Variants in STAB2 observed in about 807,000 individuals in gnomAD.
STAB2 encodes stabilin 2, also known as stabilin-2.
Under a neutral mutation model 338.1 loss-of-function variants are expected in STAB2, and 288 were observed. The ratio of observed to expected loss-of-function variants is 0.85; its 90% CI spans 0.77 to 0.94. STAB2 has a LOEUF of 0.94. Among genes scored for constraint, STAB2 ranks in the 40% least tolerant of loss-of-function variants. The pLI is 0.00. For missense variants in STAB2, 3,141 were observed against 3,210.1 expected (o/e 0.98, Z 0.52); for synonymous variants, 1,202 against 1,193.3 (o/e 1.01, Z -0.15).
chr12:103,715,880 C>A lies in STAB2; in HGVS notation c.4603C>A (p.Pro1535Thr). 6.2e-7 allele frequency: 1 copy of A among 1,613,990 alleles called. No individual in the cohort carries two copies. Reference sequence around the variant, plus strand: ...GAATGCGGAGTGCACACAGACAGGACCCAACCAGGTGAGTGCCACCTCTCC... The same window carrying A: ...GAATGCGGAGTGCACACAGACAGGAACCAACCAGGTGAGTGCCACCTCTCC... ...DKNAECTQTGPNQAACNCLPA... is the reference protein window; with the variant it reads ...DKNAECTQTGTNQAACNCLPA... The change falls in exon 43 of 69, where the codon CCC (proline) becomes ACC (threonine). Residue 1535 changes from proline to threonine, a missense_variant. Pro to Thr is a conservative substitution (Grantham distance 38). Transcript: ENST00000388887.
intron 66 of STAB2, 59 bp downstream of exon 66, chr12:103,761,469 C>T: frequency 6.9e-7 from 1 of 1,451,776 alleles, no homozygotes; most frequent in Non-Finnish European, 9.6e-7. Context: ...CACTCACCAA[C>T]AGGCAAACCA....
At chr12:103,701,383 T>C (rs1878857821) in intron 34 of STAB2, among the ~76,000 whole-genome samples, 1 of 152,170 alleles carries the variant, frequency 6.6e-6, no homozygotes, top group Admixed American at 6.5e-5. Flanking sequence ...ATGGGATGGC[T>C]GGGTCAAATG....
chr12:103,694,310 T>C (rs1426285503), intron 31 of STAB2, among the ~76,000 whole-genome samples: 1 of 152,168 alleles, frequency 6.6e-6, no homozygotes, highest in Non-Finnish European at 1.5e-5. Context: ...ACCATCAAGT[T>C]CTATCAGGCC....
rs147251722 is a variant in STAB2 at position 103,721,780 on chromosome 12, A to G, written c.4684-3195A>G. 3.9e-5 allele frequency among the ~76,000 whole-genome samples: 6 copies of G among 152,336 alleles called. No homozygotes were observed. In the East Asian group the frequency reaches 1.2e-3, roughly 29 times the overall value. ...TGAGGCAGGAAGTTCACTTGAGCTC[A>G]GGAGTTTGAGACCAGCTTGGAGAGA... On this transcript the variant is annotated intron_variant, in intron 44 of 68. Coordinates refer to ENST00000388887, the MANE Select transcript of STAB2 (RefSeq NM_017564.10).
Position 103,699,096 on chromosome 12 carries a change from G to T in STAB2, c.3583G>T (p.Glu1195Ter). The part of the protein sequence containing the change: ...YIREKKVLSL[E>*]EDVLRYHVVL... ...ACTTCCAATTCTGTGTGTGATCCAG[G>T]AGGAGGACGTCCTCCGGTATCATGT... The change falls in exon 34 of 69, where the codon GAG becomes TAG. Residue 1195 changes from glutamate to a stop codon, truncating the protein, a stop_gained and splice_region_variant. Transcript: ENST00000388887. LOFTEE classifies it high-confidence loss of function. The T allele has an allele frequency of 6.2e-7, 1 of 1,607,782 alleles. No individual in the cohort carries two copies. The highest frequency in any genetic ancestry group is 8.5e-7 in the Non-Finnish European group (1 of 1,175,594).
chr12:103,754,878 G>A (rs1347687657), intron 61 of STAB2, among the ~76,000 whole-genome samples: 1 of 151,808 alleles, frequency 6.6e-6, no homozygotes, highest in Non-Finnish European at 1.5e-5. Flanking sequence ...CTTGGGAAAT[G>A]GAGGTTGCAA....
intron 59 of STAB2, 28 bp downstream of exon 59, chr12:103,749,184 G>T (rs1340243999): frequency 1.9e-6 from 3 of 1,575,830 alleles, no homozygotes; most frequent in Non-Finnish European, 2.6e-6. Flanking sequence ...AGGGAAATTT[G>T]GGAGCAGCGC....
At chr12:103,721,617 C>A (rs1880770433) in intron 44 of STAB2, among the ~76,000 whole-genome samples, 1 of 152,112 alleles carries the variant, frequency 6.6e-6, no homozygotes, top group African/African-American at 2.4e-5. Context: ...AGCAAGAAGA[C>A]CATGTAAAAG....
chr12:103,670,761 T>G lies in STAB2; in HGVS notation c.2325T>G (p.Cys775Trp). Residue 775 changes from cysteine to tryptophan, a missense_variant, in exon 22 of 69, where the codon TGT becomes TGG. Physicochemically the swap from Cys to Trp is radical, Grantham distance 215 (BLOSUM62 -2). Transcript: ENST00000388887. ...AGGAGGGCTTCCAAGGCTCCCAGTG[T>G]CAGTTCTGCTCTGATCCCAATAAAT... The part of the protein sequence containing the change: ...ICEEGFQGSQ[C>W]QFCSDPNKYG... 6.2e-7 allele frequency: 1 copy of G among 1,614,156 alleles called. No homozygotes were observed. The highest frequency in any genetic ancestry group is 2.2e-5 in the East Asian group (1 of 44,876).
rs3817304 is a variant in STAB2, at chr12:103,759,058, G to A, written c.7108-75G>A. 15,838 of 1,610,514 alleles carry A rather than the reference G, an allele frequency of 9.8e-3. 728 individuals carry two copies. Among genetic ancestry groups the A allele is most frequent in the East Asian group, 0.091 (4,078 of 44,762 alleles). On this transcript the variant is annotated intron_variant, in intron 64 of 68. Coordinates refer to ENST00000388887, the MANE Select transcript of STAB2 (RefSeq NM_017564.10). The stretch of plus-strand genomic sequence containing the variant: ...TAGGCCATGAGAAGCAATTTTCTTC[G>A]TCATCCCCATCATTAAAAAGACAAA...
At chr12:103,737,517 G>A (rs1330940613) in intron 52 of STAB2, 117 bp from the exon 53 acceptor site, 1 of 1,140,036 alleles carries the variant, frequency 8.8e-7, no homozygotes. Context: ...GAGTCTTGCA[G>A]TTACTGGCCA....
intron 3 of STAB2, among the ~76,000 whole-genome samples, chr12:103,616,896 T>A (rs997761709): frequency 6.6e-6 from 1 of 152,232 alleles, no homozygotes; most frequent in African/African-American, 2.4e-5. Flanking sequence ...TGAACTCAAA[T>A]GGCTGAGTTG....
At chr12:103,595,408 G>A (rs920381427) in intron 3 of STAB2, among the ~76,000 whole-genome samples, 11 of 151,870 alleles carry the variant, frequency 7.2e-5, no homozygotes, top group African/African-American at 2.4e-4. Flanking sequence ...GTTTACAAAG[G>A]TATAAAGAAA....
intron 58 of STAB2, among the ~76,000 whole-genome samples, chr12:103,747,401 T>C (rs1444829671): frequency 6.6e-6 from 1 of 152,162 alleles, no homozygotes; most frequent in Non-Finnish European, 1.5e-5. Flanking sequence ...TGAAAGCTCA[T>C]TTTGGGGGCT....
Position 103,735,491 on chromosome 12 carries a change from G to GT in STAB2, c.5465dup (p.Leu1822PhefsTer31), listed in dbSNP as rs1266692866. The GT allele has an allele frequency of 6.3e-7, 1 of 1,591,268 alleles. No individual in the cohort carries two copies. The highest frequency in any genetic ancestry group is 8.6e-7 in the Non-Finnish European group (1 of 1,167,144). Reference sequence around the variant, plus strand: ...TCACGTGGTGCCATCACTCCTACAGGTTTTAGCTGTGGATCTTCCCACATC... The same window carrying GT: ...TCACGTGGTGCCATCACTCCTACAGGTTTTTAGCTGTGGATCTTCCCACATC... On this transcript the variant is annotated frameshift_variant and splice_region_variant, in exon 52 of 69. Transcript: ENST00000388887. LOFTEE classifies it high-confidence loss of function.
At chr12:103,611,754 G>A (rs553550791) in intron 3 of STAB2, among the ~76,000 whole-genome samples, 1 of 152,126 alleles carries the variant, frequency 6.6e-6, no homozygotes, top group Admixed American at 6.5e-5. Context: ...TATTTTGCTC[G>A]TTAGTTGATG....
At chr12:103,643,485 A>G (rs1230627420) in intron 9 of STAB2, among the ~76,000 whole-genome samples, 4 of 151,946 alleles carry the variant, frequency 2.6e-5, no homozygotes, top group Admixed American at 2.6e-4. Context: ...CTCCACCTCT[A>G]GGATGCCTCC....
chr12:103,650,311 T>C (rs1227793646), intron 10 of STAB2, among the ~76,000 whole-genome samples, 185 bp from the exon 11 acceptor site: 1 of 152,184 alleles, frequency 6.6e-6, no homozygotes, highest in Non-Finnish European at 1.5e-5. Flanking sequence ...ATTGAGGCCA[T>C]GGCTTTAGGG....
At chr12:103,589,917 T>G (rs937065340) in intron 1 of STAB2, among the ~76,000 whole-genome samples, 7 of 152,204 alleles carry the variant, frequency 4.6e-5, no homozygotes, top group African/African-American at 1.7e-4. Flanking sequence ...ATATCTCCTC[T>G]TTATAGGTGA....
Sources: gnomAD v4.1 joint callset for allele counts (sites outside exome capture counted in the v4.1 genomes callset) on GRCh38, gnomAD v4.1.1 for gene constraint, MANE v1.5 for transcripts, NCBI Gene and HGNC (gene_info 2026-07-23, HGNC 2026-07-21) for gene names.